Variants in KLRG1 observed in about 807,000 individuals in gnomAD.
The protein encoded by KLRG1 is killer cell lectin-like receptor subfamily G member 1.
Under a neutral mutation model 21.8 loss-of-function variants are expected in KLRG1, and 16 were observed. That is an observed-to-expected ratio of 0.73 (90% CI 0.50 to 1.11). The LOEUF (loss-of-function observed/expected upper bound fraction) is 1.11. KLRG1 is among the 50% of genes most tolerant of loss of function. The pLI is 0.00. For synonymous variants in KLRG1, 69 were observed against 75.9 expected (o/e 0.91, Z 0.47); for missense variants, 173 against 218.3 (o/e 0.79, Z 1.31).
the KLRG1 span, chr12:9,066,929 C>A: frequency 6.6e-6 from 1 of 152,198 alleles, no homozygotes; most frequent in African/African-American, 2.4e-5. Context: ...ACTTCAAAAA[C>A]TCCTGAAGTT....
chr12:9,046,182 GAAACTGAAAATTTCCC>G, the KLRG1 span, among the ~76,000 whole-genome samples: 2 of 152,166 alleles, frequency 1.3e-5, no homozygotes, highest in African/African-American at 4.8e-5. Flanking sequence ...CAGTGAGCTT[GAAACTGAAAATTTCCC>G]AAACTGAAAG....
rs1317031504 is a variant in KLRG1 at position 8,995,080 on chromosome 12, G to A, written c.188-39G>A. The A allele has an allele frequency of 3.4e-5, 51 of 1,517,030 alleles. 1 individual carries two copies. Among genetic ancestry groups the A allele is most frequent in the Non-Finnish European group, 4.5e-5 (51 of 1,133,040 alleles). 94.0% of individuals were successfully genotyped at this position (1,517,030 alleles called of 1,614,324 possible). On this transcript the variant is annotated intron_variant, in intron 2 of 4. Transcript: ENST00000356986. ...TCCCATTTCATTTCCAAGACTGAGT[G>A]GTCCATAAAGATGTGAACCAGGTCC...
the KLRG1 span, chr12:9,181,041 C>T: frequency 1.3e-5 from 21 of 1,614,180 alleles, no homozygotes; most frequent in South Asian, 2.2e-5. Flanking sequence ...GTCCACAGCA[C>T]GAAGGGCACA....
chr12:9,047,879 C>T, the KLRG1 span, among the ~76,000 whole-genome samples: 2 of 152,046 alleles, frequency 1.3e-5, no homozygotes, highest in African/African-American at 2.4e-5. Context: ...AGGCAAAAAC[C>T]GATAGAACTG....
the KLRG1 span, among the ~76,000 whole-genome samples, chr12:9,145,502 A>AT: frequency 6.6e-6 from 1 of 152,152 alleles, no homozygotes. Context: ...TATCTATTTT[A>AT]TGTTTTAAAA....
the KLRG1 span, among the ~76,000 whole-genome samples, chr12:9,020,057 A>G: frequency 7.5e-6 from 1 of 132,974 alleles, no homozygotes; most frequent in Non-Finnish European, 1.6e-5. Context: ...ACATATATAT[A>G]TATATACACA....
At chr12:9,163,989 G>T in the KLRG1 span, 5 of 1,238,756 alleles carry the variant, frequency 4.0e-6, no homozygotes, top group South Asian at 1.6e-5. Context: ...AGTGGGAGGA[G>T]GTCATAGTGG....
the KLRG1 span, chr12:9,077,882 A>C: frequency 3.0e-5 from 49 of 1,613,924 alleles, no homozygotes; most frequent in African/African-American, 6.0e-4. Context: ...AGCAATCATG[A>C]TGTTTATGTT....
the KLRG1 span, among the ~76,000 whole-genome samples, chr12:9,190,211 T>G: frequency 2.6e-5 from 4 of 152,108 alleles, no homozygotes; most frequent in Non-Finnish European, 5.9e-5. Context: ...ATTGCAACCC[T>G]GTTGCAATGA....
the KLRG1 span, among the ~76,000 whole-genome samples, chr12:9,053,717 C>T: frequency 1.3e-5 from 2 of 152,102 alleles, no homozygotes; most frequent in Non-Finnish European, 2.9e-5. Context: ...TGCCTGTTGC[C>T]CTAGAATCAC....
chr12:9,182,932 C>G, the KLRG1 span, among the ~76,000 whole-genome samples: 1 of 152,192 alleles, frequency 6.6e-6, no homozygotes, highest in Admixed American at 6.5e-5. Flanking sequence ...TCCCTCCTGT[C>G]CCAGATTCCC....
chr12:9,028,342 G>T, the KLRG1 span, among the ~76,000 whole-genome samples: 188 of 151,338 alleles, frequency 1.2e-3, no homozygotes, highest in South Asian at 2.9e-3. Context: ...ATAGAGACAG[G>T]TTTCACCATG....
chr12:8,998,500 C>A (rs906694089), intron 3 of KLRG1, among the ~76,000 whole-genome samples: 1 of 152,112 alleles, frequency 6.6e-6, no homozygotes, highest in South Asian at 2.1e-4. Flanking sequence ...CCAGCCTGGG[C>A]AACATGGCAA....
chr12:9,204,048 A>C, the KLRG1 span: 6 of 1,211,200 alleles, frequency 5.0e-6, no homozygotes, highest in Non-Finnish European at 6.9e-6. Flanking sequence ...TAATTGGTGC[A>C]ATCAGTTTTA....
At chr12:9,111,985 TA>T in the KLRG1 span, 1 of 777,328 alleles carries the variant, frequency 1.3e-6, no homozygotes, top group South Asian at 1.4e-5. Flanking sequence ...AAGAATTACC[TA>T]CTTTCTTTAC....
the KLRG1 span, chr12:9,089,774 A>G: frequency 2.8e-6 from 2 of 716,038 alleles, no homozygotes; most frequent in Non-Finnish European, 2.0e-6. Flanking sequence ...ACAAAACAGA[A>G]AGTAAATCAA....
the KLRG1 span, chr12:9,202,439 G>A: frequency 6.2e-7 from 1 of 1,612,318 alleles, no homozygotes; most frequent in Non-Finnish European, 8.5e-7. Flanking sequence ...TAAGACAGGA[G>A]GCTACGGGGC....
At chr12:9,043,285 C>T in the KLRG1 span, among the ~76,000 whole-genome samples, 1 of 152,134 alleles carries the variant, frequency 6.6e-6, no homozygotes, top group Admixed American at 6.5e-5. Context: ...ACCATGTTGG[C>T]CAGGCTAGTC....
chr12:9,089,366 C>A, the KLRG1 span: 5 of 785,282 alleles, frequency 6.4e-6, no homozygotes, highest in Non-Finnish European at 8.5e-6. Flanking sequence ...ACTGTATTAT[C>A]TAAGAAAATT....
Sources: gnomAD v4.1 joint callset for allele counts (sites outside exome capture counted in the v4.1 genomes callset) on GRCh38, gnomAD v4.1.1 for gene constraint, MANE v1.5 for transcripts, NCBI Gene and HGNC (gene_info 2026-07-23, HGNC 2026-07-21) for gene names.